The following KCNH3 variants were observed in gnomAD, a reference collection of about 807,000 sequenced individuals.
KCNH3 encodes voltage-gated inwardly rectifying potassium channel KCNH3.
In KCNH3, 36 loss-of-function variants were observed where a neutral mutation model predicts 95.6. The observed-to-expected ratio is 0.38, with a 90% confidence interval of 0.29 to 0.50. The LOEUF (loss-of-function observed/expected upper bound fraction) is 0.50. Ranked by LOEUF, KCNH3 falls within the 20% of genes least tolerant of loss-of-function variation. The pLI is 0.95. For synonymous variants in KCNH3, 620 were observed against 646.3 expected (o/e 0.96, Z 0.62); for missense variants, 1,030 against 1,484.1 (o/e 0.69, Z 5.03).
Position 49,544,160 on chromosome 12 carries a change from C to T in KCNH3, c.982-15C>T. ...CTGACCTCCCTCCCTCCCTCCCTCC[C>T]TCCCCGCATCTCAGTACTTCGGGGC... On this transcript the variant is annotated splice_polypyrimidine_tract_variant and intron_variant, in intron 6 of 14. Coordinates refer to ENST00000257981, the MANE Select transcript of KCNH3 (RefSeq NM_012284.3). 6.3e-7 allele frequency: 1 copy of T among 1,593,722 alleles called. No individual in the cohort carries two copies. The highest frequency in any genetic ancestry group is 8.5e-7 in the Non-Finnish European group (1 of 1,171,350).
intron 7 of KCNH3, among the ~76,000 whole-genome samples, chr12:49,546,597 C>T (rs1364203887): frequency 6.6e-6 from 1 of 152,194 alleles, no homozygotes; most frequent in Non-Finnish European, 1.5e-5. Flanking sequence ...TGGATTTTCA[C>T]AAGACTGTGC....
At chr12:49,548,133 T>TGTGTGTGTGTGTGC (rs1380200472) in intron 7 of KCNH3, among the ~76,000 whole-genome samples, 2 of 146,330 alleles carry the variant, frequency 1.4e-5, no homozygotes, top group Non-Finnish European at 3.0e-5. Flanking sequence ...TGTGTGTGTG[T>TGTGTGTGTGTGTGC]GCGCGCGCAC....
At chr12:49,549,381 A>G in intron 8 of KCNH3, 60 bp from the exon 9 acceptor site, 2 of 1,576,192 alleles carry the variant, frequency 1.3e-6, no homozygotes, top group Non-Finnish European at 8.7e-7. Flanking sequence ...AGATGAGCCC[A>G]GCGTGGTGTC....
rs1180398758 is a variant in KCNH3 at position 49,544,352 on chromosome 12, G to A, written c.1159G>A (p.Glu387Lys). ...GTTTTACATTGGCCAGCGGGAGATC[G>A]AGAGCAGCGAATCCGAGCTGCCTGA... The part of the protein sequence containing the change: ...VWFYIGQREI[E>K]SSESELPEIG... Residue 387 changes from glutamate to lysine, a missense_variant, in exon 7 of 15, where the codon GAG becomes AAG. Physicochemically the swap from Glu to Lys is moderately conservative, Grantham distance 56. This residue lies in a region of KCNH3 where 153 missense variants were observed against 288.5 expected (regional missense o/e 0.53). Transcript: ENST00000257981. 4.3e-6 allele frequency: 7 copies of A among 1,613,406 alleles called. No individual in the cohort carries two copies. The highest frequency in any genetic ancestry group is 5.1e-6 in the Non-Finnish European group (6 of 1,180,042).
intron 10 of KCNH3, among the ~76,000 whole-genome samples, chr12:49,552,888 AC>A (rs1938311900): frequency 6.6e-6 from 1 of 152,214 alleles, no homozygotes; most frequent in Non-Finnish European, 1.5e-5. Flanking sequence ...ATGGCCTGAA[AC>A]CAAGAAAATC....
At chr12:49,540,765 G>A in intron 1 of KCNH3, 134 bp from the exon 2 acceptor site, 2 of 659,190 alleles carry the variant, frequency 3.0e-6, no homozygotes, top group Non-Finnish European at 5.4e-6. Context: ...TTCATAAACA[G>A]CCCTGCCTTA....
chr12:49,549,291 G>A (rs537415119), intron 8 of KCNH3, 118 bp downstream of exon 8: 1 of 1,461,714 alleles, frequency 6.8e-7, no homozygotes, highest in Non-Finnish European at 9.2e-7. Context: ...GGTGGCCGCG[G>A]AACCCGAGGC....
chr12:49,543,268 C>CA lies in KCNH3; in HGVS notation c.580-6dup. On this transcript the variant is annotated splice_region_variant and splice_polypyrimidine_tract_variant and intron_variant, in intron 4 of 14. Coordinates refer to ENST00000257981, the MANE Select transcript of KCNH3 (RefSeq NM_012284.3). ...CTCTCTGCCTGGACCTGCCCTGCCT[C>CA]ACTCAGGGGGTGTTTGGGGAGAAAC... is the stretch of plus-strand genomic sequence containing the variant. The CA allele has an allele frequency of 6.2e-7, 1 of 1,613,060 alleles. No homozygotes were observed. The highest frequency in any genetic ancestry group is 8.5e-7 in the Non-Finnish European group (1 of 1,179,878).
At chr12:49,549,253 G>A in intron 8 of KCNH3, 80 bp downstream of exon 8, 5 of 1,501,246 alleles carry the variant, frequency 3.3e-6, no homozygotes, top group Non-Finnish European at 4.5e-6. Context: ...TCCCCGGAGG[G>A]CCTGAGGCCG....
intron 7 of KCNH3, among the ~76,000 whole-genome samples, 178 bp downstream of exon 7, chr12:49,544,560 C>T (rs1485245173): frequency 6.6e-6 from 1 of 152,184 alleles, no homozygotes; most frequent in East Asian, 1.9e-4. Flanking sequence ...GGCCTGTTCT[C>T]CAGCAGCTGG....
In KCNH3 at chr12:49,544,305, C is replaced by A; in HGVS notation, c.1112C>A (p.Ala371Glu). ...CTCATGGCCGTGTTCGCCCTGCTCG[C>A]GCACTGGGTCGCCTGCGTCTGGTTT... ...TLLMAVFALL[A>E]HWVACVWFYI... The change falls in exon 7 of 15, where the codon GCG becomes GAG. Residue 371 changes from alanine to glutamate, a missense_variant. Ala to Glu is a moderately radical substitution (Grantham distance 107). This residue lies in a region of KCNH3 where 153 missense variants were observed against 288.5 expected (regional missense o/e 0.53). Coordinates refer to ENST00000257981, the MANE Select transcript of KCNH3 (RefSeq NM_012284.3). The A allele has an allele frequency of 1.2e-6, 2 of 1,613,154 alleles. No individual in the cohort carries two copies. The highest frequency in any genetic ancestry group is 1.7e-6 in the Non-Finnish European group (2 of 1,179,978).
intron 7 of KCNH3, 150 bp from the exon 8 acceptor site, chr12:49,548,745 G>T: frequency 2.8e-6 from 2 of 724,484 alleles, no homozygotes; most frequent in Non-Finnish European, 4.4e-6. Context: ...GGTTGAGGGG[G>T]TGGAGAGGGG....
chr12:49,552,673 G>A (rs2138161256), intron 10 of KCNH3, among the ~76,000 whole-genome samples: 1 of 152,378 alleles, frequency 6.6e-6, no homozygotes, highest in East Asian at 1.9e-4. Context: ...GAGGAAGGAA[G>A]TAGTTTGATG....
rs1217659431 is a variant in KCNH3 at position 49,542,690 on chromosome 12, C to T, written c.446-16C>T. The T allele has an allele frequency of 6.4e-7, 1 of 1,560,710 alleles. No homozygotes were observed. Among genetic ancestry groups the T allele is most frequent in the Non-Finnish European group, 8.7e-7 (1 of 1,153,228 alleles). Reference sequence around the variant, plus strand: ...GCACACACCCATCATCTTCATGGGCCCCTCTTCTTTCGCAGGTGGTGGCCG... The same window carrying T: ...GCACACACCCATCATCTTCATGGGCTCCTCTTCTTTCGCAGGTGGTGGCCG... On this transcript the variant is annotated splice_polypyrimidine_tract_variant and intron_variant, in intron 3 of 14. Coordinates refer to ENST00000257981, the MANE Select transcript of KCNH3 (RefSeq NM_012284.3).
Position 49,539,424 on chromosome 12 carries a change from C to T in KCNH3, c.8C>T (p.Ala3Val), listed in dbSNP as rs1217975770. The change falls in exon 1 of 15, where the codon GCC becomes GTC. Residue 3 changes from alanine to valine, a missense_variant. Transcript: ENST00000257981. This position sits in a 1 kb window ranked among gnomAD's most constrained non-coding sequence, Gnocchi z 6.7. ...CAGCCGCGGGCGCCTAAGATGCCGG[C>T]CATGCGGGGCCTCCTGGCGCCGCAG... MP[A>V]MRGLLAPQNT... 1.9e-6 allele frequency: 3 copies of T among 1,559,426 alleles called. No individual in the cohort carries two copies. The highest frequency in any genetic ancestry group is 2.6e-6 in the Non-Finnish European group (3 of 1,157,348).
chr12:49,556,057 T>C, intron 12 of KCNH3, 106 bp downstream of exon 12: 1 of 637,670 alleles, frequency 1.6e-6, no homozygotes, highest in East Asian at 2.7e-5. Context: ...TAACTCCCGC[T>C]AGTCTATGTG....
intron 3 of KCNH3, 101 bp from the exon 4 acceptor site, chr12:49,542,605 C>T: frequency 7.4e-7 from 1 of 1,356,640 alleles, no homozygotes; most frequent in Middle Eastern, 2.6e-4. Context: ...GTCAATGAGC[C>T]AGACCAGTCC....
intron 10 of KCNH3, 47 bp downstream of exon 10, chr12:49,550,376 C>T: frequency 6.4e-7 from 1 of 1,559,434 alleles, no homozygotes; most frequent in Non-Finnish European, 8.7e-7. Flanking sequence ...GTGTGTGAGA[C>T]CATGGCCCTG....
rs1937786110 is a variant in KCNH3 at position 49,539,316 on chromosome 12, G to A, written c.-101G>A. The A allele has an allele frequency of 3.2e-6, 2 of 629,034 alleles. No individual in the cohort carries two copies. The highest frequency in any genetic ancestry group is 4.6e-5 in the Admixed American group (1 of 21,514). The allele number at this position is 629,034 out of a possible 1,614,324, so 39.0% of individuals were successfully genotyped here. Reference sequence around the variant, plus strand: ...ATTGCCCCCCGACGGCTGCGCTAGGGAGCGCGGGGCCCGGCGGGGGGCGGC... The same window carrying A: ...ATTGCCCCCCGACGGCTGCGCTAGGAAGCGCGGGGCCCGGCGGGGGGCGGC... On this transcript the variant is annotated 5_prime_UTR_variant, in exon 1 of 15. Coordinates refer to ENST00000257981, the MANE Select transcript of KCNH3 (RefSeq NM_012284.3). The surrounding 1 kb of genome is among the most constrained non-coding windows in gnomAD (Gnocchi z 6.7).
Sources: allele counts gnomAD v4.1 joint callset (sites outside exome capture counted in the v4.1 genomes callset), GRCh38; gene constraint gnomAD v4.1.1; regional missense constraint gnomAD v4.1.1; non-coding constraint Gnocchi (gnomAD v3.1); transcripts MANE v1.5; gene names NCBI Gene and HGNC (gene_info 2026-07-23, HGNC 2026-07-21).